The following IGF2BP1 variants were observed in gnomAD, a reference collection of about 807,000 sequenced individuals.
IGF2BP1 encodes insulin like growth factor 2 mRNA binding protein 1, also known as insulin-like growth factor 2 mRNA-binding protein 1.
Under a neutral mutation model 74.9 loss-of-function variants are expected in IGF2BP1, and 11 were observed. The ratio of observed to expected loss-of-function variants is 0.15; its 90% CI spans 0.09 to 0.24. IGF2BP1 has a LOEUF of 0.24. IGF2BP1 is among the 10% of genes least tolerant of loss of function. The probability of loss-of-function intolerance (pLI) is 1.00; values close to 1 mark genes in which losing one functional copy is unlikely to be tolerated. For missense variants in IGF2BP1, 440 were observed against 757.4 expected, an observed-to-expected ratio of 0.58 and a Z score of 4.92; for synonymous variants, 287 against 281.8, an observed-to-expected ratio of 1.02 and a Z score of -0.18.
chr17:48,999,930 GTGT>G, intron 2 of IGF2BP1, among the ~76,000 whole-genome samples: 2 of 146,642 alleles, frequency 1.4e-5, no homozygotes, highest in African/African-American at 5.1e-5. Flanking sequence ...AATGGTGTGT[GTGT>G]GTGTGTGTGT....
In IGF2BP1 at chr17:49,048,475, A is replaced by T. The variant is rs531966919; in HGVS notation, c.1642-877A>T. On this transcript the variant is annotated intron_variant, in intron 14 of 14. Transcript: ENST00000290341. Reference sequence around the variant, plus strand: ...ACCGTGTTGGCCAGTCTGCTCTCGAACTCCTGACCTCAGGTGATTCACCCG... The same window carrying T: ...ACCGTGTTGGCCAGTCTGCTCTCGATCTCCTGACCTCAGGTGATTCACCCG... 1.0e-4 allele frequency among the ~76,000 whole-genome samples: 15 copies of T among 150,158 alleles called. No homozygotes were observed. The East Asian group carries it at 2.9e-3, about 29-fold the overall frequency.
intron 10 of IGF2BP1, 24 bp downstream of exon 10, chr17:49,043,574 G>A (rs2042076508): frequency 1.9e-6 from 3 of 1,612,078 alleles, no homozygotes; most frequent in African/African-American, 1.3e-5. Flanking sequence ...CTTATTACAC[G>A]GGATCCCTGG....
chr17:49,048,855 T>C (rs749456329), intron 14 of IGF2BP1, among the ~76,000 whole-genome samples: 7 of 152,142 alleles, frequency 4.6e-5, no homozygotes, highest in Admixed American at 1.3e-4. Context: ...GAGAATCTAC[T>C]GCATGCTGAT....
intron 2 of IGF2BP1, among the ~76,000 whole-genome samples, chr17:49,018,682 A>G (rs1364997728): frequency 6.6e-6 from 1 of 151,920 alleles, no homozygotes; most frequent in Non-Finnish European, 1.5e-5. Flanking sequence ...GTTAAGAACC[A>G]GTTATTCAGA....
chr17:49,039,237 C>T (rs1279495360), intron 6 of IGF2BP1, among the ~76,000 whole-genome samples: 2 of 151,970 alleles, frequency 1.3e-5, no homozygotes, highest in African/African-American at 4.8e-5. Flanking sequence ...CATATTATGT[C>T]CTTATCATAG....
At chr17:49,026,398 T>G in intron 3 of IGF2BP1, 68 bp from the exon 4 acceptor site, 2 of 1,396,062 alleles carry the variant, frequency 1.4e-6, no homozygotes, top group Non-Finnish European at 2.0e-6. Context: ...ATGCAGGGTG[T>G]CCAGTGGCTG....
In IGF2BP1 at chr17:49,006,142, T is replaced by G. The variant is rs541586058; in HGVS notation, c.236+6973T>G. Among the ~76,000 whole-genome samples, 3 of 152,356 alleles carry G rather than the reference T, an allele frequency of 2.0e-5. No homozygotes were observed. In the East Asian group the frequency reaches 5.8e-4, roughly 29 times the overall value. On this transcript the variant is annotated intron_variant, in intron 2 of 14. Transcript: ENST00000290341. ...GAAAATGTTAAGTCTGAGTGAAATT[T>G]GATTGGATAGTTTAGTTTAGTTGAT...
chr17:49,048,982 A>G (rs2042136488), intron 14 of IGF2BP1, among the ~76,000 whole-genome samples: 1 of 151,600 alleles, frequency 6.6e-6, no homozygotes, highest in Non-Finnish European at 1.5e-5. Flanking sequence ...GCTCTGCAAT[A>G]TGTAATATAT....
At chr17:49,019,931 TATATATATATATATATATTTATATACAC>T (rs1440155376) in intron 2 of IGF2BP1, among the ~76,000 whole-genome samples, 81 of 63,278 alleles carry the variant, frequency 1.3e-3, no homozygotes, top group East Asian at 6.4e-3. Context: ...TATATATATA[TATATATATATATATATATTTATATACAC>T]ACACACACAC....
At position 49,041,420 on chromosome 17, in the gene IGF2BP1, T is replaced by C; in HGVS notation, c.861T>C (p.Phe287=). 6.2e-7 allele frequency: 1 copy of C among 1,613,978 alleles called. No individual in the cohort carries two copies. The highest frequency in any genetic ancestry group is 8.5e-7 in the Non-Finnish European group (1 of 1,179,974). Residue 287 remains phenylalanine (F), a synonymous_variant, in exon 8 of 15, where the codon TTT becomes TTC. Coordinates refer to ENST00000290341, the MANE Select transcript of IGF2BP1 (RefSeq NM_006546.4). ...TGAAGATCCTGGCCCATAATAACTT[T>C]GTAGGGCGTCTCATTGGCAAGGAAG... is the stretch of plus-strand genomic sequence containing the variant. ...VPLKILAHNN[F]VGRLIGKEGR...
rs763132170 is a variant in IGF2BP1 at position 49,044,041 on chromosome 17, G to A, written c.1275G>A (p.Gly425=). ...QAVGAIIGKK[G]QHIKQLSRFA... is the part of the protein sequence containing the mutation. ...TGGGCGCCATCATCGGCAAGAAGGG[G>A]CAGCACATCAAACAGCTCTCCCGGT... Residue 425 remains glycine (G), a synonymous_variant, in exon 11 of 15, where the codon GGG becomes GGA. Coordinates refer to ENST00000290341, the MANE Select transcript of IGF2BP1 (RefSeq NM_006546.4). The A allele has an allele frequency of 3.2e-5, 51 of 1,614,032 alleles. No individual in the cohort carries two copies. Among genetic ancestry groups the A allele is most frequent in the Non-Finnish European group, 2.6e-5 (31 of 1,180,032 alleles).
At chr17:48,996,897 G>A (rs951648240), upstream of IGF2BP1, among the ~76,000 whole-genome samples, 1 of 152,058 alleles carries the variant, frequency 6.6e-6, no homozygotes, top group South Asian at 2.1e-4. Flanking sequence ...CTAGGGAAAA[G>A]GTTCCTTTCT....
chr17:48,998,831 C>T (rs989247262), intron 1 of IGF2BP1, among the ~76,000 whole-genome samples: 1 of 152,198 alleles, frequency 6.6e-6, no homozygotes, highest in Non-Finnish European at 1.5e-5. Flanking sequence ...CAAATGGCCT[C>T]GCACCTTTCC....
chr17:49,045,396 G>A (rs2144145018), intron 12 of IGF2BP1, among the ~76,000 whole-genome samples: 1 of 152,286 alleles, frequency 6.6e-6, no homozygotes, highest in East Asian at 1.9e-4. Flanking sequence ...TAAATCCTAA[G>A]GTTCTTGAAC....
chr17:49,011,008 G>A (rs772593344), intron 2 of IGF2BP1, among the ~76,000 whole-genome samples: 15 of 151,618 alleles, frequency 9.9e-5, no homozygotes, highest in East Asian at 5.8e-4. Flanking sequence ...ATGGTGGCGC[G>A]CACCTGTAAT....
At chr17:49,036,984 A>G (rs975312028) in intron 5 of IGF2BP1, 4 of 195,152 alleles carry the variant, frequency 2.0e-5, no homozygotes, top group Admixed American at 1.3e-4. Context: ...AGCAAAGGCC[A>G]CAAGAAAGAA....
chr17:49,028,472 G>A (rs2041882933), intron 4 of IGF2BP1, among the ~76,000 whole-genome samples: 1 of 152,274 alleles, frequency 6.6e-6, no homozygotes, highest in Non-Finnish European at 1.5e-5. Context: ...GGATACAACA[G>A]GACTCACTGA....
intron 1 of IGF2BP1, among the ~76,000 whole-genome samples, chr17:48,998,336 G>A (rs1485764520): frequency 6.6e-6 from 1 of 152,228 alleles, no homozygotes; most frequent in Non-Finnish European, 1.5e-5. Context: ...CCGTTCCTCA[G>A]TCTTAGGCCT....
Position 48,999,233 on chromosome 17 carries a change from C to G in IGF2BP1, c.236+64C>G, listed in dbSNP as rs2041453856. On this transcript the variant is annotated intron_variant, in intron 2 of 14. Coordinates refer to ENST00000290341, the MANE Select transcript of IGF2BP1 (RefSeq NM_006546.4). ...CGGGGGTGTGCTGTGAAGCTGTGTT[C>G]AGGGGTCCATAGCGTCTCCAGTGGA... 3 of 976,106 alleles carry G rather than the reference C, an allele frequency of 3.1e-6. No homozygotes were observed. The East Asian group carries it at 7.3e-5, about 24-fold the overall frequency. The allele number at this position is 976,106 out of a possible 1,614,324, so 60.5% of individuals were successfully genotyped here.
Sources: allele counts gnomAD v4.1 joint callset (sites outside exome capture counted in the v4.1 genomes callset), GRCh38; gene constraint gnomAD v4.1.1; transcripts MANE v1.5; gene names NCBI Gene and HGNC (gene_info 2026-07-23, HGNC 2026-07-21).